SVOP: variants seen among roughly 807,000 people sequenced by gnomAD.
SVOP encodes the protein synaptic vesicle 2-related protein.
Under a neutral mutation model 69.1 loss-of-function variants are expected in SVOP, and 17 were observed. That is an observed-to-expected ratio of 0.25 (90% CI 0.17 to 0.37). SVOP has a LOEUF of 0.37. Ranked by LOEUF, SVOP falls within the 10% of genes least tolerant of loss-of-function variation. SVOP has a pLI of 1.00. For synonymous variants in SVOP, 238 were observed against 238.6 expected, an observed-to-expected ratio of 1.00 and a Z score of 0.02; for missense variants, 435 against 597.5, an observed-to-expected ratio of 0.73 and a Z score of 2.84.
Position 108,972,443 on chromosome 12 carries a change from G to A in SVOP, c.415C>T (p.Leu139Phe). ...TACTGGTCTGAGATATTTCCCCAGA[G>A]CGTGGAGCTGGACATCATGCCTACA... ...VFVGMMSSSTLWGNISDQYGR... is the reference protein window; with the variant it reads ...VFVGMMSSSTFWGNISDQYGR... Residue 139 changes from leucine (L) to phenylalanine (F), a missense_variant, in exon 5 of 16, where the codon CTC (leucine) becomes TTC (phenylalanine). Physicochemically the swap from Leu to Phe is conservative, Grantham distance 22. Transcript: ENST00000610966. 6.5e-7 allele frequency: 1 copy of A among 1,537,250 alleles called. No homozygotes were observed. The highest frequency in any genetic ancestry group is 1.2e-5 in the South Asian group (1 of 84,064).
chr12:108,942,064 C>G (rs918019700), intron 7 of SVOP, among the ~76,000 whole-genome samples: 3 of 152,238 alleles, frequency 2.0e-5, no homozygotes, highest in African/African-American at 7.2e-5. Flanking sequence ...TTTGATTACT[C>G]TAGGTACCTC....
At chr12:108,977,548 G>GC (rs1386709076) in intron 3 of SVOP, 52 bp from the exon 4 acceptor site, 3 of 1,306,416 alleles carry the variant, frequency 2.3e-6, no homozygotes, top group Non-Finnish European at 3.2e-6. Flanking sequence ...TGGTGCTGGG[G>GC]AAGGCTGGCC....
At chr12:108,955,973 G>A (rs867829189) in intron 6 of SVOP, among the ~76,000 whole-genome samples, 2 of 152,108 alleles carry the variant, frequency 1.3e-5, no homozygotes, top group Non-Finnish European at 2.9e-5. Context: ...AACCCAAGCC[G>A]TCTGGTTTCA....
At chr12:108,975,659 C>T (rs1163981439) in intron 4 of SVOP, among the ~76,000 whole-genome samples, 1 of 152,070 alleles carries the variant, frequency 6.6e-6, no homozygotes, top group African/African-American at 2.4e-5. Context: ...GGCAAGAGAC[C>T]AGAAAGGCCC....
intron 5 of SVOP, among the ~76,000 whole-genome samples, chr12:108,968,845 G>A (rs556206441): frequency 2.0e-5 from 3 of 152,082 alleles, no homozygotes; most frequent in Non-Finnish European, 4.4e-5. Flanking sequence ...CCAGGCTGGA[G>A]TGTAGTGGCA....
At chr12:108,938,692 T>C in intron 9 of SVOP, 135 bp downstream of exon 9, 3 of 1,420,898 alleles carry the variant, frequency 2.1e-6, no homozygotes, top group Non-Finnish European at 2.9e-6. Context: ...ATCTGCTCCA[T>C]GTGCACGCAC....
intron 1 of SVOP, among the ~76,000 whole-genome samples, chr12:109,017,921 C>A (rs1593212523): frequency 1.3e-5 from 2 of 152,064 alleles, no homozygotes; most frequent in East Asian, 3.9e-4. Flanking sequence ...GTACAAAATG[C>A]ATACTTTAAA....
chr12:108,909,257 C>CA lies in SVOP; in HGVS notation c.*3277dup, dbSNP rs1337314322. 6.6e-6 allele frequency: 1 copy of CA among 152,116 alleles called. No homozygotes were observed. The highest frequency in any genetic ancestry group is 1.5e-5 in the Non-Finnish European group (1 of 68,064). 9.4% of individuals were successfully genotyped at this position (152,116 alleles called of 1,614,324 possible). A position where few individuals can be genotyped will look rare whatever the true frequency, so the allele number is the denominator to read the frequency against. ...TGAGATTACTGTTCTTAGGTTGGTG[C>CA]AAAAGTAATTGCATTTGGGAGGCCA... On this transcript the variant is annotated 3_prime_UTR_variant, in exon 16 of 16. Coordinates refer to ENST00000610966, the MANE Select transcript of SVOP (RefSeq NM_018711.5).
At chr12:108,962,014 G>A (rs36179994) in intron 5 of SVOP, among the ~76,000 whole-genome samples, 9,832 of 152,138 alleles carry the variant, frequency 0.065, 380 homozygotes, top group Middle Eastern at 0.15. Flanking sequence ...TTTCCTGTGC[G>A]GGCAAACTCA....
chr12:108,956,467 T>G (rs1232124677), intron 6 of SVOP, among the ~76,000 whole-genome samples: 1 of 152,116 alleles, frequency 6.6e-6, no homozygotes, highest in African/African-American at 2.4e-5. Context: ...ATGCTGATCT[T>G]GCTGCTTGTG....
At chr12:108,925,469 C>T (rs2039774703) in intron 11 of SVOP, among the ~76,000 whole-genome samples, 1 of 152,176 alleles carries the variant, frequency 6.6e-6, no homozygotes, top group African/African-American at 2.4e-5. Flanking sequence ...GACCTCTCCA[C>T]CCAGCCATGG....
chr12:108,975,783 ACT>A (rs1491158164), intron 4 of SVOP, among the ~76,000 whole-genome samples: 1 of 152,034 alleles, frequency 6.6e-6, no homozygotes, highest in African/African-American at 2.4e-5. Context: ...CTCTCTGCAA[ACT>A]CAGCCTCCCG....
chr12:109,013,764 A>G (rs547503099), intron 1 of SVOP, among the ~76,000 whole-genome samples: 1 of 152,230 alleles, frequency 6.6e-6, no homozygotes, highest in South Asian at 2.1e-4. Context: ...CATCACTACC[A>G]TCCATCTGCA....
Position 109,009,118 on chromosome 12 carries a change from C to T in SVOP, c.35+11716G>A, listed in dbSNP as rs371474720. Among the ~76,000 whole-genome samples the T allele has an allele frequency of 2.0e-5, 3 of 151,768 alleles. No individual in the cohort carries two copies. The South Asian group carries it at 6.3e-4, about 32-fold the overall frequency. On this transcript the variant is annotated intron_variant, in intron 1 of 15. Coordinates refer to ENST00000610966, the MANE Select transcript of SVOP (RefSeq NM_018711.5). ...CTGGGATTACAGGCGCGAGCCACAA[C>T]GCCTGGCTAATTTTTATATTTTTAG...
At chr12:108,989,865 C>G (rs2040189787) in intron 1 of SVOP, among the ~76,000 whole-genome samples, 2 of 152,192 alleles carry the variant, frequency 1.3e-5, no homozygotes, top group Admixed American at 1.3e-4. Context: ...GATAATAGCC[C>G]TCAAACCATG....
In SVOP at chr12:108,944,829, T is replaced by C. The variant is rs575414609; in HGVS notation, c.642+274A>G. Among the ~76,000 whole-genome samples the C allele has an allele frequency of 2.2e-3, 333 of 152,306 alleles. 1 individual carries two copies. Among genetic ancestry groups the C allele is most frequent in the Non-Finnish European group, 4.0e-3 (269 of 68,022 alleles). ...CACCAGCTCTCAGATACAAGCTATT[T>C]CCCGTTCAAGAAAAACATACCCTTC... On this transcript the variant is annotated intron_variant, in intron 7 of 15. Coordinates refer to ENST00000610966, the MANE Select transcript of SVOP (RefSeq NM_018711.5).
intron 1 of SVOP, among the ~76,000 whole-genome samples, chr12:109,014,338 C>T (rs2040357630): frequency 6.6e-6 from 1 of 152,120 alleles, no homozygotes; most frequent in Non-Finnish European, 1.5e-5. Flanking sequence ...TTTTTTAAGG[C>T]TGAATAATAT....
At chr12:108,935,448 C>A (rs921029369) in intron 10 of SVOP, among the ~76,000 whole-genome samples, 5 of 152,188 alleles carry the variant, frequency 3.3e-5, no homozygotes, top group Non-Finnish European at 7.3e-5. Context: ...TTGGCCCAAC[C>A]AAATTACATG....
intron 2 of SVOP, among the ~76,000 whole-genome samples, chr12:108,980,408 AT>A (rs1214501261): frequency 1.3e-5 from 2 of 152,230 alleles, no homozygotes; most frequent in African/African-American, 4.8e-5. Context: ...TATATCTGCA[AT>A]TTTTTTGTAA....
Sources: allele counts gnomAD v4.1 joint callset (sites outside exome capture counted in the v4.1 genomes callset), GRCh38; gene constraint gnomAD v4.1.1; transcripts MANE v1.5; gene names NCBI Gene and HGNC (gene_info 2026-07-23, HGNC 2026-07-21).